SMARCA5: variants seen among roughly 807,000 people sequenced by gnomAD.
SMARCA5 encodes SNF2 related chromatin remodeling ATPase 5, also known as SWI/SNF-related matrix-associated actin-dependent regulator of chromatin subfamily A member 5.
A neutral mutation model predicts 140.4 loss-of-function variants in SMARCA5; 18 were observed. The observed-to-expected ratio is 0.13, with a 90% CI of 0.09 to 0.19. SMARCA5 has a LOEUF of 0.19. SMARCA5 is among the 10% of genes least tolerant of loss of function. The pLI, the probability that SMARCA5 is intolerant of heterozygous loss-of-function variation, is 1.00. For missense variants in SMARCA5, 606 were observed against 1,276.8 expected (o/e 0.47, Z 8.01); for synonymous variants, 449 against 419.6 (o/e 1.07, Z -0.86).
intron 11 of SMARCA5, 110 bp downstream of exon 11, chr4:143,536,788 G>A: frequency 2.7e-6 from 2 of 741,264 alleles, no homozygotes; most frequent in Non-Finnish European, 4.6e-6. Flanking sequence ...AGGTTGACGT[G>A]TAGAACATTA....
At chr4:143,528,554 T>A in intron 7 of SMARCA5, 29 bp from the exon 8 acceptor site, 1 of 1,599,756 alleles carries the variant, frequency 6.3e-7, no homozygotes, top group Non-Finnish European at 8.5e-7. Context: ...CAGAATATTC[T>A]AATGGTGTAT....
At chr4:143,514,501 C>T (rs191223355) in intron 1 of SMARCA5, 68 of 173,122 alleles carry the variant, frequency 3.9e-4, no homozygotes, top group African/African-American at 1.4e-3. Context: ...GGAGATGACC[C>T]CTTAGGAGCG....
intron 8 of SMARCA5, among the ~76,000 whole-genome samples, chr4:143,530,027 G>A (rs1737155246): frequency 6.6e-6 from 1 of 152,054 alleles, no homozygotes; most frequent in Admixed American, 6.6e-5. Context: ...ATGAAATGCT[G>A]GTAATTTCAA....
chr4:143,514,218 T>G (rs1736773616), intron 1 of SMARCA5, 117 bp downstream of exon 1: 2 of 928,780 alleles, frequency 2.2e-6, no homozygotes, highest in African/African-American at 3.4e-5. Context: ...CAGACTCAGC[T>G]TCACACCCTG....
chr4:143,535,093 T>C, intron 10 of SMARCA5, 129 bp downstream of exon 10: 1 of 630,376 alleles, frequency 1.6e-6, no homozygotes, highest in Non-Finnish European at 2.7e-6. Context: ...GAAAAGAGTT[T>C]TCTTGTCACG....
chr4:143,544,450 C>G, intron 16 of SMARCA5: 1 of 233,158 alleles, frequency 4.3e-6, no homozygotes, highest in East Asian at 9.0e-5. Context: ...TATGTGTCTA[C>G]ATTTTTCTCC....
intron 11 of SMARCA5, among the ~76,000 whole-genome samples, chr4:143,537,014 A>G (rs1405372707): frequency 6.6e-6 from 1 of 152,180 alleles, no homozygotes; most frequent in African/African-American, 2.4e-5. Flanking sequence ...ATTGTTAGAC[A>G]GTGGTGGTGT....
chr4:143,521,699 C>G, intron 3 of SMARCA5, 104 bp downstream of exon 3: 1 of 1,039,280 alleles, frequency 9.6e-7, no homozygotes, highest in South Asian at 1.8e-5. Flanking sequence ...TATTTTAGTG[C>G]CATTATTTAT....
chr4:143,544,672 C>T, intron 16 of SMARCA5, 65 bp from the exon 17 acceptor site: 1 of 893,874 alleles, frequency 1.1e-6, no homozygotes, highest in South Asian at 1.4e-5. Flanking sequence ...AAACATCCTT[C>T]TTGATGATGA....
At chr4:143,539,041 T>C (rs1737373154) in intron 13 of SMARCA5, 103 bp downstream of exon 13, 1 of 1,018,990 alleles carries the variant, frequency 9.8e-7, no homozygotes, top group Non-Finnish European at 1.5e-6. Context: ...GAATTTTATT[T>C]TTCTCTAATC....
At chr4:143,530,221 T>C (rs959295022) in intron 8 of SMARCA5, among the ~76,000 whole-genome samples, 2 of 152,218 alleles carry the variant, frequency 1.3e-5, no homozygotes, top group African/African-American at 4.8e-5. Flanking sequence ...CTTTTTACTG[T>C]GAAACTTGTT....
chr4:143,540,464 A>G lies in SMARCA5; in HGVS notation c.1872A>G (p.Lys624=). Residue 624 remains lysine, a synonymous_variant, in exon 14 of 24, where the codon AAA becomes AAG. Transcript: ENST00000283131. Reference sequence around the variant, plus strand: ...GAATAGTAGAACGTGCTGAGATGAAACTCAGACTGGATTCAATAGTCATTC... The same window carrying G: ...GAATAGTAGAACGTGCTGAGATGAAGCTCAGACTGGATTCAATAGTCATTC... ...EERIVERAEM[K]LRLDSIVIQQ... is the part of the protein sequence containing the mutation. The G allele has an allele frequency of 6.2e-7, 1 of 1,612,604 alleles. No individual in the cohort carries two copies. The highest frequency in any genetic ancestry group is 8.5e-7 in the Non-Finnish European group (1 of 1,179,274).
At chr4:143,547,837 CA>C in intron 21 of SMARCA5, 90 bp from the exon 22 acceptor site, 3 of 745,680 alleles carry the variant, frequency 4.0e-6, no homozygotes, top group Non-Finnish European at 6.3e-6. Context: ...ATTTGAAATG[CA>C]ACATTTTAGC....
At position 143,532,952 on chromosome 4, in the gene SMARCA5, C is replaced by T. The variant is rs114210664; in HGVS notation, c.1159-1903C>T. Among the ~76,000 whole-genome samples the T allele has an allele frequency of 1.4e-3, 214 of 152,220 alleles. 1 individual carries two copies. Among genetic ancestry groups the T allele is most frequent in the African/African-American group, 4.8e-3 (199 of 41,526 alleles). On this transcript the variant is annotated intron_variant, in intron 9 of 23. Coordinates refer to ENST00000283131, the MANE Select transcript of SMARCA5 (RefSeq NM_003601.4). ...GACTAGGGCTGAACTAGCTTTTCTA[C>T]GTGGTGATGTTAGAGAGGTGTTGCT...
intron 2 of SMARCA5, among the ~76,000 whole-genome samples, chr4:143,520,001 C>G (rs1736924528): frequency 6.6e-6 from 1 of 152,062 alleles, no homozygotes; most frequent in Non-Finnish European, 1.5e-5. Context: ...GAGAAAGAAG[C>G]TAGTCCAAAG....
intron 11 of SMARCA5, among the ~76,000 whole-genome samples, chr4:143,538,302 T>C (rs1737356682): frequency 6.6e-6 from 1 of 152,150 alleles, no homozygotes; most frequent in Non-Finnish European, 1.5e-5. Context: ...TTTTTAAATG[T>C]ATATGGGGTA....
rs989109898 is a variant in SMARCA5 at position 143,555,206 on chromosome 4, T to C, written c.*2022T>C. On this transcript the variant is annotated 3_prime_UTR_variant, in exon 24 of 24. Transcript: ENST00000283131. ...GGCAAAGTATTGGCCTCTACCACCA[T>C]AGGGCCCAGAGCTTCTGCCTCCAAA... 1.3e-5 allele frequency: 10 copies of C among 785,602 alleles called. No homozygotes were observed. Among genetic ancestry groups the C allele is most frequent in the Admixed American group, 3.4e-5 (2 of 58,014 alleles). The allele number at this position is 785,602 out of a possible 1,614,324, so 48.7% of individuals were successfully genotyped here.
intron 20 of SMARCA5, among the ~76,000 whole-genome samples, 185 bp downstream of exon 20, chr4:143,547,093 A>T (rs575083607): frequency 3.3e-5 from 5 of 152,146 alleles, no homozygotes; most frequent in Non-Finnish European, 1.5e-5. Context: ...CTTTTTAAAA[A>T]TTTTTTAACC....
intron 4 of SMARCA5, among the ~76,000 whole-genome samples, chr4:143,525,215 G>A (rs1271076034): frequency 6.6e-6 from 1 of 152,166 alleles, no homozygotes; most frequent in African/African-American, 2.4e-5. Context: ...CTGAGTTGTT[G>A]GAGTGGGTAC....
Sources: gnomAD v4.1 joint callset for allele counts (sites outside exome capture counted in the v4.1 genomes callset) on GRCh38, gnomAD v4.1.1 for gene constraint, MANE v1.5 for transcripts, NCBI Gene and HGNC (gene_info 2026-07-23, HGNC 2026-07-21) for gene names.